The following CMTR2 variants were observed in gnomAD, a reference collection of about 807,000 sequenced individuals.
CMTR2 encodes the protein cap methyltransferase 2.
A neutral mutation model predicts 49.8 loss-of-function variants in CMTR2; 40 were observed. The observed-to-expected ratio is 0.80, with a 90% CI of 0.62 to 1.04. The LOEUF (loss-of-function observed/expected upper bound fraction) is 1.04, where lower values mean the gene tolerates loss of function less well. Ranked by LOEUF, CMTR2 falls within the 50% of genes least tolerant of loss-of-function variation. The probability of loss-of-function intolerance (pLI) is 0.00; values close to 1 mark genes in which losing one functional copy is unlikely to be tolerated. For missense variants in CMTR2, 907 were observed against 897.2 expected, an observed-to-expected ratio of 1.01 and a Z score of -0.14; for synonymous variants, 326 against 315.8, an observed-to-expected ratio of 1.03 and a Z score of -0.34.
At chr16:71,289,667 A>AGGGGGAGGGG (rs1395441797), upstream of CMTR2, 6 of 20,966 alleles carry the variant, frequency 2.9e-4, no homozygotes, top group African/African-American at 7.7e-4. Context: ...AGGGGGAGGG[A>AGGGGGAGGGG]GGGAAGGGAC....
chr16:71,283,682 C>A lies in CMTR2; in HGVS notation c.2239G>T (p.Ala747Ser). Residue 747 changes from alanine (A) to serine (S), a missense_variant, in exon 3 of 3, where the codon GCT becomes TCT. Transcript: ENST00000434935. ...ATAATGAAATGCAAATGCCTTTTAG[C>A]AATGGCAGCATTCAAATCCCACAAA... The part of the protein sequence containing the change: ...DFLWDLNAAI[A>S]KRHLHFIIQR... The A allele has an allele frequency of 6.2e-7, 1 of 1,613,774 alleles. No homozygotes were observed. Among genetic ancestry groups the A allele is most frequent in the Non-Finnish European group, 8.5e-7 (1 of 1,179,798 alleles).
At position 71,285,327 on chromosome 16, in the gene CMTR2, G is replaced by T; in HGVS notation, c.594C>A (p.His198Gln). The T allele has an allele frequency of 6.2e-7, 1 of 1,614,112 alleles. No homozygotes were observed. Among genetic ancestry groups the T allele is most frequent in the Non-Finnish European group, 8.5e-7 (1 of 1,179,964 alleles). ...MDDRLIANTLHWWYFGPDNTG... is the reference protein window; with the variant it reads ...MDDRLIANTLQWWYFGPDNTG... ...TGTTATCTGGACCAAAGTACCACCA[G>T]TGCAAGGTATTTGCAATAAGCCGGT... Residue 198 changes from histidine (H) to glutamine (Q), a missense_variant, in exon 3 of 3, where the codon CAC becomes CAA. By Grantham distance (24) the His-to-Gln change is conservative (BLOSUM62 0). Coordinates refer to ENST00000434935, the MANE Select transcript of CMTR2 (RefSeq NM_018348.6).
chr16:71,285,542 G>T lies in CMTR2; in HGVS notation c.379C>A (p.Leu127Ile). The T allele has an allele frequency of 6.2e-7, 1 of 1,613,988 alleles. No individual in the cohort carries two copies. The highest frequency in any genetic ancestry group is 1.1e-5 in the South Asian group (1 of 91,046). The change falls in exon 3 of 3, where the codon CTT becomes ATT. Residue 127 changes from leucine (L) to isoleucine (I), a missense_variant. Leu to Ile is a conservative substitution (Grantham distance 5). Transcript: ENST00000434935. ...KFHEILCSFP[L>I]IPQEAFQNGK... ...TTCTGAAAAGCTTCCTGTGGAATAA[G>T]TGGAAAGCTGCACAAAATCTCATGG...
In CMTR2 at chr16:71,284,045, A is replaced by G; in HGVS notation, c.1876T>C (p.Phe626Leu). 1 of 1,614,130 alleles carries G rather than the reference A, an allele frequency of 6.2e-7. No individual in the cohort carries two copies. Among genetic ancestry groups the G allele is most frequent in the Non-Finnish European group, 8.5e-7 (1 of 1,179,956 alleles). ...AATGAATGTAGAAGGCAGTCCAAAAATAAACGCTGGTAAGTTGGATCTCCA... is the reference window on the plus strand; with the variant it reads ...AATGAATGTAGAAGGCAGTCCAAAAGTAAACGCTGGTAAGTTGGATCTCCA... ...HDGDPTYQRL[F>L]LDCLLHSLRE... Residue 626 changes from phenylalanine (F) to leucine (L), a missense_variant, in exon 3 of 3, where the codon TTT becomes CTT. Physicochemically the swap from Phe to Leu is conservative, Grantham distance 22. Coordinates refer to ENST00000434935, the MANE Select transcript of CMTR2 (RefSeq NM_018348.6).
intron 2 of CMTR2, chr16:71,287,243 G>A (rs2041742796): frequency 2.0e-5 from 3 of 152,174 alleles, no homozygotes; most frequent in African/African-American, 7.2e-5. Flanking sequence ...AACTACTGCT[G>A]TAATACATAC....
In CMTR2 at chr16:71,285,156, A is replaced by G. The variant is rs757338786; in HGVS notation, c.765T>C (p.His255=). The part of the protein sequence containing the change: ...GEQEALVSSL[H]YCEVVTALTT... ...TCAGAGCAGTGACAACTTCACAGTA[A>G]TGCAAAGAAGAAACTAAAGCTTCTT... Residue 255 remains histidine, a synonymous_variant, in exon 3 of 3, where the codon CAT becomes CAC. Coordinates refer to ENST00000434935, the MANE Select transcript of CMTR2 (RefSeq NM_018348.6). 1.2e-6 allele frequency: 2 copies of G among 1,614,088 alleles called. No individual in the cohort carries two copies. Among genetic ancestry groups the G allele is most frequent in the Non-Finnish European group, 1.7e-6 (2 of 1,180,016 alleles).
Position 71,284,772 on chromosome 16 carries a change from CT to C in CMTR2, c.1148del (p.Glu383GlyfsTer11). ...TTTCTTGTTCCGCCTTTCCCATGCA[CT>C]CAAATAGACGAATGTTTTCAGAAAT... ...ETISENIRLF[E>X]CMGKAEQEKL... On this transcript the variant is annotated frameshift_variant, in exon 3 of 3. Coordinates refer to ENST00000434935, the MANE Select transcript of CMTR2 (RefSeq NM_018348.6). LOFTEE classifies it high-confidence loss of function. The C allele has an allele frequency of 6.2e-7, 1 of 1,613,768 alleles. No individual in the cohort carries two copies.
rs1382707336 is a variant in CMTR2, at chr16:71,284,240, T to C, written c.1681A>G (p.Ser561Gly). The C allele has an allele frequency of 1.2e-6, 2 of 1,614,072 alleles. No homozygotes were observed. ...TCATCCTGAAGGCACTCAGTAAGGCTACACAACTCGGAAAATATCAGTTCT... is the reference window on the plus strand; with the variant it reads ...TCATCCTGAAGGCACTCAGTAAGGCCACACAACTCGGAAAATATCAGTTCT... The part of the protein sequence containing the change: ...SEELIFSELC[S>G]LTECLQDEQV... The change falls in exon 3 of 3, where the codon AGC (serine) becomes GGC (glycine). Residue 561 changes from serine (S) to glycine (G), a missense_variant. Transcript: ENST00000434935.
chr16:71,283,858 C>A lies in CMTR2; in HGVS notation c.2063G>T (p.Cys688Phe). 6.2e-7 allele frequency: 1 copy of A among 1,613,836 alleles called. No homozygotes were observed. The highest frequency in any genetic ancestry group is 8.5e-7 in the Non-Finnish European group (1 of 1,179,854). The change falls in exon 3 of 3, where the codon TGT (cysteine) becomes TTT (phenylalanine). Residue 688 changes from cysteine (C) to phenylalanine (F), a missense_variant. Cys to Phe is a radical substitution (Grantham distance 205). Transcript: ENST00000434935. ...ATTTGGAAGGTCCTGATAACCAACA[C>A]ATAGCAGGACTGCGCAGGTCCTCAG... is the stretch of plus-strand genomic sequence containing the variant. Reference protein sequence around the residue: ...DPLRTCAVLLCVGYQDLPNPV... With the variant: ...DPLRTCAVLLFVGYQDLPNPV...
chr16:71,288,554 AC>A (rs1472097660), intron 2 of CMTR2: 2 of 152,182 alleles, frequency 1.3e-5, no homozygotes, highest in African/African-American at 2.4e-5. Flanking sequence ...TGGATATCAT[AC>A]TTAGCACAAA....
At position 71,285,638 on chromosome 16, in the gene CMTR2, C is replaced by T. The variant is rs765446460; in HGVS notation, c.283G>A (p.Ala95Thr). 1.9e-6 allele frequency: 3 copies of T among 1,613,936 alleles called. No individual in the cohort carries two copies. The South Asian group carries it at 3.3e-5, about 18-fold the overall frequency. ...CTAACATGAGAAATGATTTTCCCCG[C>T]TTTATTAGTGAAAGCAGTGTGCTCA... is the stretch of plus-strand genomic sequence containing the variant. ...WHEHTAFTNK[A>T]GKIISHVRKS... is the part of the protein sequence containing the mutation. The change falls in exon 3 of 3, where the codon GCG becomes ACG. Residue 95 changes from alanine (A) to threonine (T), a missense_variant. Transcript: ENST00000434935.
rs765180352 is a variant in CMTR2, at chr16:71,285,387, A to G, written c.534T>C (p.His178=). ...TCATCATGAGGTCGTCATTTGCTTC[A>G]TGGTATGGATTCAGAGTATTCGCTA... The part of the protein sequence containing the change: ...SWVANTLNPY[H]EANDDLMMIM... Residue 178 remains histidine (H), a synonymous_variant, in exon 3 of 3, where the codon CAT becomes CAC. Transcript: ENST00000434935. The G allele has an allele frequency of 1.4e-5, 22 of 1,614,136 alleles. No homozygotes were observed. The South Asian group carries it at 2.3e-4, about 17-fold the overall frequency.
Position 71,283,742 on chromosome 16 carries a change from T to G in CMTR2, c.2179A>C (p.Met727Leu), listed in dbSNP as rs148685244. 3 of 1,613,992 alleles carry G rather than the reference T, an allele frequency of 1.9e-6. No homozygotes were observed. In the South Asian group the frequency reaches 3.3e-5, roughly 18 times the overall value. The change falls in exon 3 of 3, where the codon ATG becomes CTG. Residue 727 changes from methionine (M) to leucine (L), a missense_variant. Coordinates refer to ENST00000434935, the MANE Select transcript of CMTR2 (RefSeq NM_018348.6). ...AGGGCCCCCTTAAGGAGTACCTCCATTGGCACAAACTGTAAAACCTGCTGG... is the reference window on the plus strand; with the variant it reads ...AGGGCCCCCTTAAGGAGTACCTCCAGTGGCACAAACTGTAAAACCTGCTGG... ...SPQQVLQFVP[M>L]EVLLKGALLD...
At position 71,285,016 on chromosome 16, in the gene CMTR2, T is replaced by A. The variant is rs749246022; in HGVS notation, c.905A>T (p.Lys302Ile). ...NCCFDQVHVF[K>I]PATSKAGNSE... ...GTTTCCTGCCTTGCTAGTAGCAGGTTTGAAAACATGGACTTGGTCAAAACA... is the reference window on the plus strand; with the variant it reads ...GTTTCCTGCCTTGCTAGTAGCAGGTATGAAAACATGGACTTGGTCAAAACA... Residue 302 changes from lysine (K) to isoleucine (I), a missense_variant, in exon 3 of 3, where the codon AAA becomes ATA. Lys to Ile is a moderately radical substitution (Grantham distance 102, BLOSUM62 -3). Transcript: ENST00000434935. The A allele has an allele frequency of 6.2e-7, 1 of 1,613,968 alleles. No individual in the cohort carries two copies. Among genetic ancestry groups the A allele is most frequent in the South Asian group, 1.1e-5 (1 of 91,042 alleles).
Position 71,289,349 on chromosome 16 carries a change from C to G in CMTR2, c.-293G>C, listed in dbSNP as rs2041794169. The G allele has an allele frequency of 1.3e-5, 2 of 152,260 alleles. No individual in the cohort carries two copies. The highest frequency in any genetic ancestry group is 4.8e-5 in the African/African-American group (2 of 41,458). The allele number at this position is 152,260 out of a possible 1,614,324, so 9.4% of individuals were successfully genotyped here. ...CCTCGCGGCACCGGGAAGCCAGTCC[C>G]ACCTCCGGGCCCCGCAGCCGCGAAT... On this transcript the variant is annotated 5_prime_UTR_variant, in exon 1 of 3. Transcript: ENST00000434935.
Position 71,285,249 on chromosome 16 carries a change from G to A in CMTR2, c.672C>T (p.Ser224=), listed in dbSNP as rs766029322. 6.2e-7 allele frequency: 1 copy of A among 1,613,954 alleles called. No individual in the cohort carries two copies. Among genetic ancestry groups the A allele is most frequent in the Non-Finnish European group, 8.5e-7 (1 of 1,179,836 alleles). ...TGACCAAGTGAACAGTAGCCATGCT[G>A]CTTATGAAATTCTGAAGTCCAGTCA... ...KFLTGLQNFI[S]SMATVHLVTA... Residue 224 remains serine, a synonymous_variant, in exon 3 of 3, where the codon AGC becomes AGT. Transcript: ENST00000434935.
Position 71,283,009 on chromosome 16 carries a change from T to G in CMTR2, c.*599A>C, listed in dbSNP as rs2041636838. 6.6e-6 allele frequency: 1 copy of G among 152,612 alleles called. No individual in the cohort carries two copies. Among genetic ancestry groups the G allele is most frequent in the Non-Finnish European group, 1.5e-5 (1 of 68,054 alleles). The allele number at this position is 152,612 out of a possible 1,614,324, so 9.5% of individuals were successfully genotyped here. A position where few individuals can be genotyped will look rare whatever the true frequency, so the allele number is the denominator to read the frequency against. ...CAGCATACTAGTTTTATTTGAGCCA[T>G]GTAAGAAAATAGGGTCAATCACCTA... On this transcript the variant is annotated 3_prime_UTR_variant, in exon 3 of 3. Coordinates refer to ENST00000434935, the MANE Select transcript of CMTR2 (RefSeq NM_018348.6).
upstream of CMTR2, chr16:71,289,667 A>AGGGG (rs1395441797): frequency 1.4e-4 from 3 of 20,962 alleles, no homozygotes; most frequent in Middle Eastern, 0.015. Flanking sequence ...AGGGGGAGGG[A>AGGGG]GGGAAGGGAC....
Position 71,282,337 on chromosome 16 carries a change from G to T in CMTR2, c.*1271C>A, listed in dbSNP as rs1437143725. The T allele has an allele frequency of 6.6e-6, 1 of 151,756 alleles. No individual in the cohort carries two copies. Among genetic ancestry groups the T allele is most frequent in the Non-Finnish European group, 1.5e-5 (1 of 67,856 alleles). The allele number at this position is 151,756 out of a possible 1,614,324, so 9.4% of individuals were successfully genotyped here. On this transcript the variant is annotated 3_prime_UTR_variant, in exon 3 of 3. Coordinates refer to ENST00000434935, the MANE Select transcript of CMTR2 (RefSeq NM_018348.6). ...TGACTTTATTCATGAATCTATAATG[G>T]AATTCAAAATAGCAAAGAACATGAA...
Sources: allele counts gnomAD v4.1 joint callset, GRCh38; gene constraint gnomAD v4.1.1; transcripts MANE v1.5; gene names NCBI Gene and HGNC (gene_info 2026-07-23, HGNC 2026-07-21).